The following CDC42EP3 variants were observed in gnomAD, a reference collection of about 807,000 sequenced individuals.
CDC42EP3 encodes CDC42 effector protein 3, also known as CDC42 effector protein (Rho GTPase binding) 3.
In CDC42EP3, 4 loss-of-function variants were observed where a neutral mutation model predicts 15.5. The ratio of observed to expected loss-of-function variants is 0.26; its 90% confidence interval spans 0.13 to 0.59. The LOEUF (loss-of-function observed/expected upper bound fraction) is 0.59, where lower values mean the gene tolerates loss of function less well. CDC42EP3 is among the 20% of genes least tolerant of loss of function. The probability of loss-of-function intolerance (pLI) is 0.89; values close to 1 mark genes in which losing one functional copy is unlikely to be tolerated. For synonymous variants in CDC42EP3, 145 were observed against 130.3 expected, an observed-to-expected ratio of 1.11 and a Z score of -0.77; for missense variants, 309 against 311.2, an observed-to-expected ratio of 0.99 and a Z score of 0.05.
At chr2:37,660,410 G>C (rs1280554633) in intron 1 of CDC42EP3, among the ~76,000 whole-genome samples, 1 of 152,086 alleles carries the variant, frequency 6.6e-6, no homozygotes, top group Admixed American at 6.6e-5. Flanking sequence ...TCTTCAGTTG[G>C]GGCTCTTCCA....
At position 37,643,167 on chromosome 2, in the gene CDC42EP3, CAAGTA is replaced by C. The variant is rs1665324014; in HGVS notation, c.*2651_*2655del. On this transcript the variant is annotated 3_prime_UTR_variant, in exon 2 of 2. Coordinates refer to ENST00000295324, the MANE Select transcript of CDC42EP3 (RefSeq NM_006449.5). ...CATCTTGGGTTTCCTTATCTTTAAACAAGTAAAGATAAATTAGGTTAAAGTGGGAG... is the reference window on the plus strand; with the variant it reads ...CATCTTGGGTTTCCTTATCTTTAAACAAGATAAATTAGGTTAAAGTGGGAG... 6.6e-6 allele frequency: 1 copy of C among 152,096 alleles called. No homozygotes were observed. Among genetic ancestry groups the C allele is most frequent in the African/African-American group, 2.4e-5 (1 of 41,404 alleles). The allele number at this position is 152,096 out of a possible 1,614,324, so 9.4% of individuals were successfully genotyped here. A position where few individuals can be genotyped will look rare whatever the true frequency, so the allele number is the denominator to read the frequency against.
intron 1 of CDC42EP3, among the ~76,000 whole-genome samples, chr2:37,660,370 C>T (rs1558341790): frequency 6.6e-6 from 1 of 152,166 alleles, no homozygotes; most frequent in East Asian, 1.9e-4. Flanking sequence ...CTGGGGCTAT[C>T]TTCTCATTCA....
intron 1 of CDC42EP3, among the ~76,000 whole-genome samples, chr2:37,667,321 C>T (rs1350130281): frequency 1.3e-5 from 2 of 152,174 alleles, no homozygotes; most frequent in Non-Finnish European, 1.5e-5. Flanking sequence ...TGGACTAAAA[C>T]GTCCACTGAG....
At chr2:37,654,038 C>T (rs186680566) in intron 1 of CDC42EP3, among the ~76,000 whole-genome samples, 106 of 152,300 alleles carry the variant, frequency 7.0e-4, no homozygotes, top group African/African-American at 2.5e-3. Flanking sequence ...TGCACTACTG[C>T]ACCATCTGAG....
chr2:37,643,884 A>G lies in CDC42EP3; in HGVS notation c.*1939T>C, dbSNP rs1294835432. ...GAAATACAACTGAGAAGTTACGGAA[A>G]GCACACAATGCCCTAGGGCAAGCTT... is the stretch of plus-strand genomic sequence containing the variant. On this transcript the variant is annotated 3_prime_UTR_variant, in exon 2 of 2. Transcript: ENST00000295324. 2.0e-5 allele frequency: 3 copies of G among 152,216 alleles called. No homozygotes were observed. The highest frequency in any genetic ancestry group is 2.0e-4 in the Admixed American group (3 of 15,280). The allele number at this position is 152,216 out of a possible 1,614,324, so 9.4% of individuals were successfully genotyped here. A position where few individuals can be genotyped will look rare whatever the true frequency, so the allele number is the denominator to read the frequency against.
intron 1 of CDC42EP3, among the ~76,000 whole-genome samples, chr2:37,667,534 C>T (rs182535654): frequency 8.9e-4 from 135 of 152,306 alleles, no homozygotes; most frequent in African/African-American, 3.2e-3. Flanking sequence ...CATATAGTCC[C>T]ACATTTTCAC....
chr2:37,664,018 C>CA (rs1298385055), intron 1 of CDC42EP3, among the ~76,000 whole-genome samples: 4 of 152,104 alleles, frequency 2.6e-5, no homozygotes, highest in African/African-American at 9.7e-5. Flanking sequence ...ATTAAACATA[C>CA]AAAAAATTAG....
intron 1 of CDC42EP3, among the ~76,000 whole-genome samples, chr2:37,651,206 C>G (rs1665666649): frequency 6.6e-6 from 1 of 152,230 alleles, no homozygotes; most frequent in East Asian, 1.9e-4. Context: ...TGGAAACACA[C>G]AAGTAATAAT....
upstream of CDC42EP3, among the ~76,000 whole-genome samples, chr2:37,672,908 T>A (rs1666480432): frequency 1.3e-5 from 2 of 152,176 alleles, no homozygotes; most frequent in African/African-American, 4.8e-5. Flanking sequence ...AGGGTGCGCC[T>A]TAAGCCGATG....
At chr2:37,656,420 C>T (rs958075840) in intron 1 of CDC42EP3, among the ~76,000 whole-genome samples, 2 of 152,252 alleles carry the variant, frequency 1.3e-5, no homozygotes, top group Non-Finnish European at 2.9e-5. Flanking sequence ...GACTTTCCAT[C>T]ATGAGAGCCA....
chr2:37,659,395 C>T (rs137993174), intron 1 of CDC42EP3, among the ~76,000 whole-genome samples: 1 of 152,254 alleles, frequency 6.6e-6, no homozygotes, highest in Non-Finnish European at 1.5e-5. Context: ...TTTAACCTTC[C>T]CCTATCCATG....
intron 1 of CDC42EP3, among the ~76,000 whole-genome samples, chr2:37,669,779 G>C (rs1160933563): frequency 1.3e-5 from 2 of 152,170 alleles, no homozygotes; most frequent in African/African-American, 2.4e-5. Flanking sequence ...TATTCAAATG[G>C]GTGAGGCCCA....
intron 1 of CDC42EP3, among the ~76,000 whole-genome samples, chr2:37,656,989 C>CA (rs1665876082): frequency 1.2e-5 from 1 of 82,898 alleles, no homozygotes; most frequent in Non-Finnish European, 2.2e-5. Context: ...GCCCCCCCCC[C>CA]ACCCCCCGCC....
At chr2:37,664,930 G>C (rs990891957) in intron 1 of CDC42EP3, among the ~76,000 whole-genome samples, 1 of 152,058 alleles carries the variant, frequency 6.6e-6, no homozygotes, top group Non-Finnish European at 1.5e-5. Context: ...GCGGGAGGAG[G>C]GAGAGGATCA....
intron 1 of CDC42EP3, among the ~76,000 whole-genome samples, chr2:37,667,494 C>T (rs938948149): frequency 3.9e-5 from 6 of 152,152 alleles, no homozygotes; most frequent in Non-Finnish European, 4.4e-5. Context: ...AAGTCCTTGT[C>T]CCTGGCTGTG....
intron 1 of CDC42EP3, among the ~76,000 whole-genome samples, chr2:37,661,377 C>G (rs1666051978): frequency 6.6e-6 from 1 of 152,088 alleles, no homozygotes; most frequent in Non-Finnish European, 1.5e-5. Flanking sequence ...TTAGCCAAGC[C>G]TTAAAGGGAT....
intron 1 of CDC42EP3, among the ~76,000 whole-genome samples, chr2:37,668,774 T>C (rs1176918449): frequency 6.6e-6 from 1 of 152,114 alleles, no homozygotes; most frequent in African/African-American, 2.4e-5. Flanking sequence ...TAGAAACAAG[T>C]AAGATAATCA....
Position 37,643,973 on chromosome 2 carries a change from A to ATTTT in CDC42EP3, c.*1846_*1849dup, listed in dbSNP as rs10573780. The ATTTT allele has an allele frequency of 8.2e-6, 1 of 121,716 alleles. No individual in the cohort carries two copies. The highest frequency in any genetic ancestry group is 1.9e-5 in the Non-Finnish European group (1 of 53,396). 7.5% of individuals were successfully genotyped at this position (121,716 alleles called of 1,614,324 possible). A position where few individuals can be genotyped will look rare whatever the true frequency, so the allele number is the denominator to read the frequency against. On this transcript the variant is annotated 3_prime_UTR_variant, in exon 2 of 2. Coordinates refer to ENST00000295324, the MANE Select transcript of CDC42EP3 (RefSeq NM_006449.5). ...TTAAACTTTCTTAAAACAGTCTGAG[A>ATTTT]TTTTTTTTTTTTTTTTTTTTTGCAA...
intron 1 of CDC42EP3, among the ~76,000 whole-genome samples, chr2:37,649,305 A>T (rs894862958): frequency 6.6e-6 from 1 of 151,896 alleles, no homozygotes; most frequent in Admixed American, 6.6e-5. Context: ...TTCTTAAAAA[A>T]TTAGCTGAGA....
Sources: allele counts gnomAD v4.1 joint callset (sites outside exome capture counted in the v4.1 genomes callset), GRCh38; gene constraint gnomAD v4.1.1; transcripts MANE v1.5; gene names NCBI Gene and HGNC (gene_info 2026-07-23, HGNC 2026-07-21).